LETMD1: variants seen among roughly 807,000 people sequenced by gnomAD.
LETMD1 encodes the protein LETM1 domain containing 1.
In LETMD1, 30 loss-of-function variants were observed where a neutral mutation model predicts 43.9. The ratio of observed to expected loss-of-function variants is 0.68; its 90% CI spans 0.51 to 0.93. The LOEUF (loss-of-function observed/expected upper bound fraction) is 0.93. Ranked by LOEUF, LETMD1 falls within the 40% of genes least tolerant of loss-of-function variation. LETMD1 has a pLI of 0.00. For synonymous variants in LETMD1, 176 were observed against 163.1 expected, an observed-to-expected ratio of 1.08 and a Z score of -0.60; for missense variants, 413 against 447.7, an observed-to-expected ratio of 0.92 and a Z score of 0.70.
chr12:51,057,955 A>G, intron 7 of LETMD1, 77 bp from the exon 8 acceptor site: 1 of 1,003,150 alleles, frequency 1.0e-6, no homozygotes, highest in Non-Finnish European at 1.6e-6. Flanking sequence ...GAGATTTAGG[A>G]TTGTTTGTGG....
chr12:51,054,494 G>C (rs1044879314), intron 4 of LETMD1, among the ~76,000 whole-genome samples: 2 of 152,142 alleles, frequency 1.3e-5, no homozygotes, highest in African/African-American at 4.8e-5. Context: ...CCCTGGCAGG[G>C]ATGGCTACAC....
Position 51,049,169 on chromosome 12 carries a change from C to T in LETMD1, c.258C>T (p.Tyr86=). The T allele has an allele frequency of 6.2e-7, 1 of 1,611,876 alleles. No homozygotes were observed. Among genetic ancestry groups the T allele is most frequent in the Non-Finnish European group, 8.5e-7 (1 of 1,179,136 alleles). ...ATTTCCCCCGCTTCTATGTCCTGTACACAATCTTCATGAAAGGTAAAAACG... is the reference window on the plus strand; with the variant it reads ...ATTTCCCCCGCTTCTATGTCCTGTATACAATCTTCATGAAAGGTAAAAACG... ...GRHFPRFYVL[Y]TIFMKGLQML... is the part of the protein sequence containing the mutation. The change falls in exon 2 of 9, where the codon TAC becomes TAT. Residue 86 remains tyrosine (Y), a synonymous_variant. Coordinates refer to ENST00000262055, the MANE Select transcript of LETMD1 (RefSeq NM_015416.5).
intron 7 of LETMD1, chr12:51,057,814 A>G (rs773705136): frequency 3.7e-6 from 2 of 541,054 alleles, no homozygotes; most frequent in South Asian, 1.9e-5. Context: ...TTTAGTAGAG[A>G]TGGTGTTTCA....
In LETMD1 at chr12:51,049,068, G is replaced by A; in HGVS notation, c.157G>A (p.Val53Met). ...GCTTCACCTTTCTCCAAAGGCAGATGTGAAGAACTTGATGTCTTATGTGGT... is the reference window on the plus strand; with the variant it reads ...GCTTCACCTTTCTCCAAAGGCAGATATGAAGAACTTGATGTCTTATGTGGT... The part of the protein sequence containing the change: ...SKLHLSPKAD[V>M]KNLMSYVVTK... Residue 53 changes from valine to methionine, a missense_variant, in exon 2 of 9, where the codon GTG becomes ATG. By Grantham distance (21) the Val-to-Met change is conservative. Transcript: ENST00000262055. 3.1e-6 allele frequency: 5 copies of A among 1,614,114 alleles called. No homozygotes were observed. The highest frequency in any genetic ancestry group is 4.2e-6 in the Non-Finnish European group (5 of 1,180,012).
In LETMD1 at chr12:51,052,150, G is replaced by A; in HGVS notation, c.333G>A (p.Trp111Ter). 3.7e-6 allele frequency: 6 copies of A among 1,614,010 alleles called. No individual in the cohort carries two copies. The highest frequency in any genetic ancestry group is 5.1e-6 in the Non-Finnish European group (6 of 1,179,904). Residue 111 changes from tryptophan to a stop codon, truncating the protein, a stop_gained, in exon 3 of 9, where the codon TGG (tryptophan) becomes TGA (stop). Coordinates refer to ENST00000262055, the MANE Select transcript of LETMD1 (RefSeq NM_015416.5). LOFTEE classifies it high-confidence loss of function. ...CTAGAAGAATAAAGACAAATATGTGGAAGCACAATATAAAGTTTCATCAAC... is the reference window on the plus strand; with the variant it reads ...CTAGAAGAATAAAGACAAATATGTGAAAGCACAATATAAAGTTTCATCAAC... ...KKARRIKTNM[W>*]KHNIKFHQLP...
downstream of LETMD1, chr12:51,061,188 CAAAG>C (rs1948817326): frequency 6.6e-6 from 1 of 152,222 alleles, no homozygotes; most frequent in Non-Finnish European, 1.5e-5. Context: ...CCTGCCGAGA[CAAAG>C]AGTAACACAT....
At chr12:51,056,763 C>G (rs1288145941) in intron 7 of LETMD1, 4 of 290,772 alleles carry the variant, frequency 1.4e-5, no homozygotes, top group Non-Finnish European at 2.6e-5. Flanking sequence ...AAGTGATCCT[C>G]CTACCTCAGC....
chr12:51,067,922 C>T, the LETMD1 span: 31 of 1,614,088 alleles, frequency 1.9e-5, no homozygotes, highest in East Asian at 4.5e-4. This position sits in a 1 kb window ranked among gnomAD's most constrained non-coding sequence, Gnocchi z 4.1. Context: ...CATCATCCAG[C>T]GTCAGGCCAT....
intron 4 of LETMD1, among the ~76,000 whole-genome samples, chr12:51,054,556 C>G (rs1947090527): frequency 1.3e-5 from 2 of 152,156 alleles, no homozygotes; most frequent in South Asian, 2.1e-4. Context: ...AGTATGGCAG[C>G]CTCAAGATAG....
At chr12:51,053,959 AG>A in intron 4 of LETMD1, 99 bp downstream of exon 4, 1 of 808,682 alleles carries the variant, frequency 1.2e-6, no homozygotes, top group Non-Finnish European at 2.0e-6. Flanking sequence ...AGATAGGCAG[AG>A]GTTATCAAAC....
chr12:51,062,790 C>T (rs973945095), downstream of LETMD1: 1 of 152,328 alleles, frequency 6.6e-6, no homozygotes, highest in African/African-American at 2.4e-5. Context: ...GCTCAGATCT[C>T]ACAAAGAGGG....
chr12:51,054,139 G>A (rs1362251702), intron 4 of LETMD1, among the ~76,000 whole-genome samples: 1 of 147,686 alleles, frequency 6.8e-6, no homozygotes, highest in Non-Finnish European at 1.5e-5. Context: ...CATCCCTAGA[G>A]GCTCTCTCCC....
At chr12:51,049,804 A>G (rs1945460713) in intron 2 of LETMD1, among the ~76,000 whole-genome samples, 1 of 152,218 alleles carries the variant, frequency 6.6e-6, no homozygotes, top group Non-Finnish European at 1.5e-5. Flanking sequence ...GAGTAATGGA[A>G]CCTACCTATT....
intron 1 of LETMD1, chr12:51,048,719 C>G (rs2136487784): frequency 1.6e-6 from 1 of 610,100 alleles, no homozygotes; most frequent in Non-Finnish European, 2.8e-6. Context: ...TTCAGCCTCA[C>G]TTTTTCGGCT....
the LETMD1 span, among the ~76,000 whole-genome samples, chr12:51,068,312 G>A: frequency 6.6e-6 from 1 of 152,044 alleles, no homozygotes; most frequent in East Asian, 1.9e-4. Flanking sequence ...TCACCAGCCT[G>A]GCTAATTTTT....
chr12:51,055,773 T>C lies in LETMD1; in HGVS notation c.474-62T>C, dbSNP rs887909729. On this transcript the variant is annotated intron_variant, in intron 4 of 8. Coordinates refer to ENST00000262055, the MANE Select transcript of LETMD1 (RefSeq NM_015416.5). ...GTATTCATGTCTACCAAATGCTTTC[T>C]TTGGCTTCCTCTGAAAGAAGCCAGT... 9.1e-6 allele frequency: 11 copies of C among 1,214,234 alleles called. No individual in the cohort carries two copies. The African/African-American group carries it at 1.7e-4, about 18-fold the overall frequency. 75.2% of individuals were successfully genotyped at this position (1,214,234 alleles called of 1,614,324 possible).
chr12:51,055,771 T>G, intron 4 of LETMD1, 64 bp from the exon 5 acceptor site: 1 of 1,185,912 alleles, frequency 8.4e-7, no homozygotes. Flanking sequence ...CCAAATGCTT[T>G]CTTTGGCTTC....
At chr12:51,052,276 T>G (rs746657455) in intron 3 of LETMD1, 69 bp downstream of exon 3, 2 of 1,573,870 alleles carry the variant, frequency 1.3e-6, no homozygotes, top group African/African-American at 2.7e-5. Context: ...ATCTCAAGGT[T>G]TTTTCTTTCA....
At chr12:51,052,807 T>C (rs563426119) in intron 3 of LETMD1, among the ~76,000 whole-genome samples, 3 of 146,450 alleles carry the variant, frequency 2.0e-5, no homozygotes, top group African/African-American at 7.6e-5. Context: ...AAAATGAAAA[T>C]AGAAGTCTGC....
Sources: gnomAD v4.1 joint callset for allele counts (sites outside exome capture counted in the v4.1 genomes callset) on GRCh38, gnomAD v4.1.1 for gene constraint, Gnocchi (gnomAD v3.1) non-coding constraint, MANE v1.5 for transcripts, NCBI Gene and HGNC (gene_info 2026-07-23, HGNC 2026-07-21) for gene names.